Variants in MAGI1 observed in about 807,000 individuals in gnomAD.
MAGI1 encodes the protein membrane-associated guanylate kinase, WW and PDZ domain-containing protein 1.
In MAGI1, 58 loss-of-function variants were observed where a neutral mutation model predicts 139.9. The ratio of observed to expected loss-of-function variants is 0.41; its 90% CI spans 0.34 to 0.52. The LOEUF (loss-of-function observed/expected upper bound fraction) is 0.52. Among genes scored for constraint, MAGI1 ranks in the 20% least tolerant of loss-of-function variants. The pLI is 0.12. For missense variants in MAGI1, 1,874 were observed against 1,901.6 expected (o/e 0.99, Z 0.27); for synonymous variants, 812 against 737.9 (o/e 1.10, Z -1.63).
intron 1 of MAGI1, among the ~76,000 whole-genome samples, chr3:65,883,252 CA>C (rs2060405817): frequency 6.6e-6 from 1 of 152,132 alleles, no homozygotes; most frequent in Non-Finnish European, 1.5e-5. Context: ...CATTTTACTA[CA>C]CAACAGTTAT....
chr3:65,474,526 G>A (rs1950746006), intron 4 of MAGI1, among the ~76,000 whole-genome samples: 1 of 151,920 alleles, frequency 6.6e-6, no homozygotes. Context: ...GAGGTTTATG[G>A]AATACACATA....
chr3:65,735,356 C>CGTGTGTGTGT (rs368243061), intron 1 of MAGI1, among the ~76,000 whole-genome samples: 2,106 of 148,030 alleles, frequency 0.014, 31 homozygotes, highest in East Asian at 0.082. Context: ...TGTGTCTGCA[C>CGTGTGTGTGT]GTGTGTGTGT....
At chr3:65,434,516 T>C (rs1947695181) in intron 10 of MAGI1, among the ~76,000 whole-genome samples, 1 of 152,190 alleles carries the variant, frequency 6.6e-6, no homozygotes, top group South Asian at 2.1e-4. Context: ...AGTTGGCCTG[T>C]GAACTTGGCA....
At chr3:65,968,167 G>A (rs930567898) in intron 1 of MAGI1, among the ~76,000 whole-genome samples, 4 of 152,204 alleles carry the variant, frequency 2.6e-5, no homozygotes, top group African/African-American at 9.6e-5. Context: ...GTTGGCAAAA[G>A]TGAAAAATGA....
At chr3:65,904,657 T>C (rs2061366735) in intron 1 of MAGI1, among the ~76,000 whole-genome samples, 1 of 152,132 alleles carries the variant, frequency 6.6e-6, no homozygotes, top group African/African-American at 2.4e-5. Context: ...ATTCTCCAGG[T>C]CTTAGACCAC....
intron 2 of MAGI1, among the ~76,000 whole-genome samples, chr3:65,548,408 G>C (rs1449660835): frequency 2.6e-5 from 4 of 152,006 alleles, no homozygotes; most frequent in Admixed American, 1.3e-4. Context: ...CTCAGGGCCA[G>C]GGGAGAAAAG....
intron 1 of MAGI1, among the ~76,000 whole-genome samples, chr3:65,932,551 T>A (rs2062852543): frequency 6.6e-6 from 1 of 152,022 alleles, no homozygotes; most frequent in Non-Finnish European, 1.5e-5. Flanking sequence ...AGCCCTAGAG[T>A]TCCACCCACC....
At chr3:65,401,691 T>G in intron 12 of MAGI1, 1 of 1,539,112 alleles carries the variant, frequency 6.5e-7, no homozygotes, top group Non-Finnish European at 8.8e-7. Context: ...GCATTAGCTA[T>G]GCTGACTTGT....
intron 2 of MAGI1, among the ~76,000 whole-genome samples, chr3:65,611,232 T>C (rs1341952930): frequency 7.1e-6 from 1 of 141,288 alleles, no homozygotes; most frequent in Non-Finnish European, 1.5e-5. Flanking sequence ...TATACTATAG[T>C]ATATACTATA....
chr3:65,792,891 C>T (rs2039884528), intron 1 of MAGI1, among the ~76,000 whole-genome samples: 1 of 152,072 alleles, frequency 6.6e-6, no homozygotes, highest in South Asian at 2.1e-4. Flanking sequence ...CGGGGGAGGG[C>T]AGGCGCTACT....
rs143592570 is a variant in MAGI1, at chr3:65,446,344, T to C, written c.1078+1678A>G. ...GGGAAGCTAAAAGAAGGTGAATAGCTTGTCTAAGTTTGCATAGCCAGTAAG... is the reference window on the plus strand; with the variant it reads ...GGGAAGCTAAAAGAAGGTGAATAGCCTGTCTAAGTTTGCATAGCCAGTAAG... On this transcript the variant is annotated intron_variant, in intron 7 of 22. Transcript: ENST00000402939. Among the ~76,000 whole-genome samples, 9 of 152,318 alleles carry C rather than the reference T, an allele frequency of 5.9e-5. No homozygotes were observed. In the East Asian group the frequency reaches 1.4e-3, roughly 23 times the overall value.
chr3:65,931,850 A>G (rs1225438698), intron 1 of MAGI1, among the ~76,000 whole-genome samples: 2 of 151,976 alleles, frequency 1.3e-5, no homozygotes, highest in Non-Finnish European at 2.9e-5. Flanking sequence ...CACTACCTAT[A>G]TTTTTTATTG....
chr3:65,795,838 G>A (rs2040098726), intron 1 of MAGI1, among the ~76,000 whole-genome samples: 1 of 151,834 alleles, frequency 6.6e-6, no homozygotes, highest in Admixed American at 6.6e-5. Context: ...ATCACCTGAG[G>A]TCAGGAGTTC....
intron 4 of MAGI1, among the ~76,000 whole-genome samples, chr3:65,477,715 T>TTA: frequency 6.8e-6 from 1 of 147,932 alleles, no homozygotes; most frequent in African/African-American, 2.5e-5. Flanking sequence ...ATTATTATTT[T>TTA]TTTTTTTTTA....
At chr3:65,998,480 CATTA>C (rs2066574223) in intron 1 of MAGI1, among the ~76,000 whole-genome samples, 1 of 152,280 alleles carries the variant, frequency 6.6e-6, no homozygotes, top group Admixed American at 6.5e-5. Flanking sequence ...TGCAAAAACC[CATTA>C]ATTGTGACAA....
chr3:65,447,467 C>T (rs1008817256), intron 7 of MAGI1, among the ~76,000 whole-genome samples: 6 of 152,192 alleles, frequency 3.9e-5, no homozygotes, highest in Non-Finnish European at 8.8e-5. Flanking sequence ...CAACCACTCA[C>T]TACAATGGCA....
At chr3:65,657,168 C>T (rs2085926021) in intron 1 of MAGI1, among the ~76,000 whole-genome samples, 1 of 151,904 alleles carries the variant, frequency 6.6e-6, no homozygotes, top group African/African-American at 2.4e-5. Flanking sequence ...TTCTTATCCC[C>T]AACTTAAAGA....
At chr3:65,476,398 C>G (rs1448640872) in intron 4 of MAGI1, among the ~76,000 whole-genome samples, 1 of 152,138 alleles carries the variant, frequency 6.6e-6, no homozygotes, top group African/African-American at 2.4e-5. Flanking sequence ...AACTAATCAT[C>G]AGACTGATTT....
chr3:65,996,374 AT>A (rs927352495), intron 1 of MAGI1, among the ~76,000 whole-genome samples: 3 of 151,720 alleles, frequency 2.0e-5, no homozygotes, highest in Admixed American at 6.6e-5. Flanking sequence ...GCAACACTTC[AT>A]TTTTTTTTAA....
Sources: allele counts gnomAD v4.1 joint callset (sites outside exome capture counted in the v4.1 genomes callset), GRCh38; gene constraint gnomAD v4.1.1; transcripts MANE v1.5; gene names NCBI Gene and HGNC (gene_info 2026-07-23, HGNC 2026-07-21).